Variants in PTK2B observed in about 807,000 individuals in gnomAD.
PTK2B encodes protein-tyrosine kinase 2-beta.
Under a neutral mutation model 142.9 loss-of-function variants are expected in PTK2B, and 71 were observed. The ratio of observed to expected loss-of-function variants is 0.50; its 90% CI spans 0.41 to 0.61. PTK2B has a LOEUF of 0.61. PTK2B is among the 20% of genes least tolerant of loss of function. PTK2B has a pLI of 0.00. For synonymous variants in PTK2B, 519 were observed against 503.4 expected, an observed-to-expected ratio of 1.03 and a Z score of -0.42; for missense variants, 1,105 against 1,320.4, an observed-to-expected ratio of 0.84 and a Z score of 2.53.
chr8:27,446,511 G>T (rs1240839336), intron 24 of PTK2B, among the ~76,000 whole-genome samples: 1 of 152,126 alleles, frequency 6.6e-6, no homozygotes, highest in African/African-American at 2.4e-5. Context: ...AGCCCGGAGT[G>T]CTTCATGGCT....
chr8:27,443,333 C>T (rs997140105), intron 22 of PTK2B, among the ~76,000 whole-genome samples: 5 of 152,210 alleles, frequency 3.3e-5, no homozygotes, highest in Non-Finnish European at 7.3e-5. Context: ...ACATCTATAC[C>T]CCGCATGGCC....
intron 1 of PTK2B, among the ~76,000 whole-genome samples, chr8:27,346,467 G>A (rs1029366086): frequency 5.3e-5 from 8 of 152,184 alleles, no homozygotes; most frequent in African/African-American, 1.9e-4. Flanking sequence ...AATTTCTTGA[G>A]CCCTGGAGGT....
chr8:27,412,672 A>G (rs768566710), intron 2 of PTK2B, among the ~76,000 whole-genome samples: 3 of 152,126 alleles, frequency 2.0e-5, no homozygotes, highest in African/African-American at 4.8e-5. Context: ...GCTGAAATCT[A>G]TCTTCCTATG....
intron 27 of PTK2B, 74 bp from the exon 28 acceptor site, chr8:27,453,040 T>C: frequency 1.3e-6 from 2 of 1,551,518 alleles, no homozygotes; most frequent in Non-Finnish European, 1.8e-6. Context: ...GGGGCTCATT[T>C]GATGTCAGCA....
intron 28 of PTK2B, 161 bp from the exon 29 acceptor site, chr8:27,453,993 C>G: frequency 1.1e-6 from 1 of 950,710 alleles, no homozygotes. Flanking sequence ...CAGAAGTGGA[C>G]AGAGGCAATG....
chr8:27,409,181 A>C (rs1808905039), intron 2 of PTK2B, among the ~76,000 whole-genome samples: 1 of 152,222 alleles, frequency 6.6e-6, no homozygotes, highest in South Asian at 2.1e-4. Context: ...TCCTGCGCTA[A>C]GGCACTAGAG....
chr8:27,371,615 T>A (rs968273772), intron 1 of PTK2B, among the ~76,000 whole-genome samples: 2 of 152,020 alleles, frequency 1.3e-5, no homozygotes, highest in Admixed American at 1.3e-4. Flanking sequence ...TGGCACAGTC[T>A]TGGCTCACTG....
intron 1 of PTK2B, among the ~76,000 whole-genome samples, chr8:27,377,619 G>A (rs556225799): frequency 6.6e-6 from 1 of 152,246 alleles, no homozygotes; most frequent in South Asian, 2.1e-4. Context: ...TCCTGTAAAG[G>A]GGCCAGGGCC....
upstream of PTK2B, among the ~76,000 whole-genome samples, chr8:27,322,132 A>G (rs1364624033): frequency 6.6e-6 from 1 of 152,160 alleles, no homozygotes; most frequent in Non-Finnish European, 1.5e-5. Context: ...CTGGGACTAC[A>G]GGCATACACC....
At chr8:27,451,587 G>A (rs564903309) in intron 27 of PTK2B, 78 bp downstream of exon 27, 2 of 1,609,480 alleles carry the variant, frequency 1.2e-6, no homozygotes, top group Non-Finnish European at 1.7e-6. Flanking sequence ...CACCGCCCAG[G>A]GCAGGGAGCA....
chr8:27,458,553 C>T lies in PTK2B; in HGVS notation c.*44C>T, dbSNP rs376386614. 2.3e-5 allele frequency: 35 copies of T among 1,529,942 alleles called. No homozygotes were observed. Among genetic ancestry groups the T allele is most frequent in the Non-Finnish European group, 6.2e-6 (7 of 1,132,770 alleles). The allele number at this position is 1,529,942 out of a possible 1,614,324, so 94.8% of individuals were successfully genotyped here. A position where few individuals can be genotyped will look rare whatever the true frequency, so the allele number is the denominator to read the frequency against. On this transcript the variant is annotated 3_prime_UTR_variant, in exon 31 of 31. Transcript: ENST00000346049. Reference sequence around the variant, plus strand: ...TGCCTGCGTCTTCCGCCCCTGCCTGCCATGTACCTCCCCTGCCTTGCTGTT... The same window carrying T: ...TGCCTGCGTCTTCCGCCCCTGCCTGTCATGTACCTCCCCTGCCTTGCTGTT...
chr8:27,322,286 T>A (rs191311416), upstream of PTK2B: 5 of 152,378 alleles, frequency 3.3e-5, no homozygotes, highest in East Asian at 9.6e-4. Flanking sequence ...AATGGAGAGA[T>A]GCCAGTTACA....
intron 1 of PTK2B, among the ~76,000 whole-genome samples, chr8:27,355,581 T>C (rs1211947423): frequency 6.6e-6 from 1 of 152,196 alleles, no homozygotes; most frequent in Non-Finnish European, 1.5e-5. Flanking sequence ...GTTACAGCAA[T>C]AGTAGGCAAC....
In PTK2B at chr8:27,451,004, A is replaced by T. The variant is rs775786096; in HGVS notation, c.2488-39A>T. 5 of 1,610,010 alleles carry T rather than the reference A, an allele frequency of 3.1e-6. No individual in the cohort carries two copies. In the South Asian group the frequency reaches 4.4e-5, roughly 14 times the overall value. On this transcript the variant is annotated intron_variant, in intron 25 of 30. Transcript: ENST00000346049. Reference sequence around the variant, plus strand: ...CTGCATTCTTGGTGCTTTCAGCTCCAGAATTCTTAGTCCTTCGCTCTTGTT... The same window carrying T: ...CTGCATTCTTGGTGCTTTCAGCTCCTGAATTCTTAGTCCTTCGCTCTTGTT...
At chr8:27,314,010 G>A (rs991095604) in intron 3 of PTK2B, among the ~76,000 whole-genome samples, 1 of 152,176 alleles carries the variant, frequency 6.6e-6, no homozygotes, top group African/African-American at 2.4e-5. Flanking sequence ...GGATTGGGGA[G>A]GGTAGAGTCC....
intron 1 of PTK2B, among the ~76,000 whole-genome samples, chr8:27,343,313 C>A (rs1463560409): frequency 2.0e-5 from 3 of 152,178 alleles, no homozygotes; most frequent in African/African-American, 7.2e-5. Flanking sequence ...TCCCACTGCT[C>A]CCTTCCCCTC....
At chr8:27,434,674 C>T (rs1225662606) in intron 13 of PTK2B, 115 bp downstream of exon 13, 1 of 1,215,128 alleles carries the variant, frequency 8.2e-7, no homozygotes, top group East Asian at 2.6e-5. Flanking sequence ...AAAAATGATC[C>T]TCTCCCATAA....
intron 1 of PTK2B, among the ~76,000 whole-genome samples, chr8:27,352,174 C>A (rs1323933080): frequency 6.6e-6 from 1 of 152,238 alleles, no homozygotes; most frequent in Non-Finnish European, 1.5e-5. Flanking sequence ...ACTCTTCTAG[C>A]TTTCAAAGTT....
In PTK2B at chr8:27,436,278, A is replaced by G; in HGVS notation, c.1271A>G (p.Asp424Gly). 6.2e-7 allele frequency: 1 copy of G among 1,614,120 alleles called. No homozygotes were observed. ...GGPQYGIARE[D>G]VVLNRILGEG... ...CCACAGTATGGCATTGCCCGTGAAG[A>G]TGTGGTCCTGAATCGTATTCTTGGG... The change falls in exon 15 of 31, where the codon GAT (aspartate) becomes GGT (glycine). Residue 424 changes from aspartate (D) to glycine (G), a missense_variant. Transcript: ENST00000346049.
Sources: allele counts gnomAD v4.1 joint callset (sites outside exome capture counted in the v4.1 genomes callset), GRCh38; gene constraint gnomAD v4.1.1; transcripts MANE v1.5; gene names NCBI Gene and HGNC (gene_info 2026-07-23, HGNC 2026-07-21).